Variants in GOLGA4 observed in about 807,000 individuals in gnomAD.
GOLGA4 encodes golgin subfamily A member 4.
Under a neutral mutation model 265.9 loss-of-function variants are expected in GOLGA4, and 169 were observed. That is an observed-to-expected ratio of 0.64 (90% confidence interval 0.56 to 0.72). GOLGA4 has a LOEUF of 0.72. GOLGA4 is among the 30% of genes least tolerant of loss of function. GOLGA4 has a pLI of 0.00. For missense variants in GOLGA4, 2,482 were observed against 2,483.4 expected, an observed-to-expected ratio of 1.00 and a Z score of 0.01; for synonymous variants, 923 against 855.8, an observed-to-expected ratio of 1.08 and a Z score of -1.37.
chr3:37,354,468 A>G (rs978777902), intron 21 of GOLGA4, among the ~76,000 whole-genome samples: 2 of 152,088 alleles, frequency 1.3e-5, no homozygotes, highest in Admixed American at 1.3e-4. Context: ...TATGGGTGAC[A>G]GTCTGACTTA....
chr3:37,366,799 T>C lies in GOLGA4; in HGVS notation c.*753T>C, dbSNP rs1476880012. ...CAGTTGAAATCTATTTTAAAATGTT[T>C]AAGAATGCATATTCTATTTGGATGA... On this transcript the variant is annotated 3_prime_UTR_variant, in exon 24 of 24. Coordinates refer to ENST00000361924, the MANE Select transcript of GOLGA4 (RefSeq NM_002078.5). The C allele has an allele frequency of 6.6e-6, 1 of 152,320 alleles. No individual in the cohort carries two copies. The highest frequency in any genetic ancestry group is 6.5e-5 in the Admixed American group (1 of 15,290). The allele number at this position is 152,320 out of a possible 1,614,324, so 9.4% of individuals were successfully genotyped here. A position where few individuals can be genotyped will look rare whatever the true frequency, so the allele number is the denominator to read the frequency against.
At chr3:37,292,958 ATAGAGGACACTT>A in intron 5 of GOLGA4, among the ~76,000 whole-genome samples, 1 of 152,368 alleles carries the variant, frequency 6.6e-6, no homozygotes, top group African/African-American at 2.4e-5. Context: ...GTTGGGCAGA[ATAGAGGACACTT>A]ATGAGTGTAC....
At chr3:37,261,004 C>CAAA (rs11348079) in intron 2 of GOLGA4, among the ~76,000 whole-genome samples, 1 of 134,484 alleles carries the variant, frequency 7.4e-6, no homozygotes, top group African/African-American at 2.7e-5. Flanking sequence ...CTGTCTCTAC[C>CAAA]AAAAAAAAAA....
Position 37,326,321 on chromosome 3 carries a change from G to A in GOLGA4, c.4435G>A (p.Glu1479Lys), listed in dbSNP as rs749627900. ...ATCAAAGGAAGCTTATGAAAAGGAT[G>A]AGCAGATAAATTTATTGAAGGAAGA... ...LKSKEAYEKD[E>K]QINLLKEELD... The change falls in exon 14 of 24, where the codon GAG becomes AAG. Residue 1479 changes from glutamate to lysine, a missense_variant. Coordinates refer to ENST00000361924, the MANE Select transcript of GOLGA4 (RefSeq NM_002078.5). The A allele has an allele frequency of 6.2e-7, 1 of 1,611,842 alleles. No homozygotes were observed. Among genetic ancestry groups the A allele is most frequent in the Non-Finnish European group, 8.5e-7 (1 of 1,179,032 alleles).
chr3:37,268,613 C>T (rs2096789904), intron 2 of GOLGA4, among the ~76,000 whole-genome samples: 1 of 151,312 alleles, frequency 6.6e-6, no homozygotes. Context: ...CTTTTGATAC[C>T]CAGGCTGGAG....
At chr3:37,292,237 G>T (rs1299009521) in intron 5 of GOLGA4, among the ~76,000 whole-genome samples, 2 of 152,172 alleles carry the variant, frequency 1.3e-5, no homozygotes, top group East Asian at 3.8e-4. Context: ...GTTGTAGGTT[G>T]TAGGAAATTA....
chr3:37,297,615 C>T (rs2096881888), intron 7 of GOLGA4, among the ~76,000 whole-genome samples: 1 of 152,186 alleles, frequency 6.6e-6, no homozygotes, highest in Non-Finnish European at 1.5e-5. Flanking sequence ...TACTACTAAG[C>T]TTCTTCAGAT....
chr3:37,313,072 G>A (rs901996226), intron 10 of GOLGA4, among the ~76,000 whole-genome samples: 2 of 152,078 alleles, frequency 1.3e-5, no homozygotes, highest in Non-Finnish European at 1.5e-5. Flanking sequence ...GTCTGGTGGC[G>A]GGCACCTGTA....
In GOLGA4 at chr3:37,278,813, CT is replaced by C. The variant is rs1267375433; in HGVS notation, c.163-3128del. Among the ~76,000 whole-genome samples the C allele has an allele frequency of 7.9e-3, 1,041 of 131,344 alleles. 5 individuals are homozygous for C. The highest frequency in any genetic ancestry group is 0.026 in the African/African-American group (867 of 33,472). 86.2% of individuals were successfully genotyped at this position (131,344 alleles called of 152,430 possible). A position where few individuals can be genotyped will look rare whatever the true frequency, so the allele number is the denominator to read the frequency against. On this transcript the variant is annotated intron_variant, in intron 2 of 23. Coordinates refer to ENST00000361924, the MANE Select transcript of GOLGA4 (RefSeq NM_002078.5). ...AAGATGCCTTCACTCAGTTTGTTTA[CT>C]TTTTTTTTTTTTTTTTGAGACAGAG...
In GOLGA4 at chr3:37,359,277, G is replaced by A. The variant is rs978301409; in HGVS notation, c.6664-1966G>A. 2.2e-4 allele frequency among the ~76,000 whole-genome samples: 34 copies of A among 151,984 alleles called. 2 individuals carry two copies. The highest frequency in any genetic ancestry group is 1.5e-5 in the Non-Finnish European group (1 of 68,010). On this transcript the variant is annotated intron_variant, in intron 22 of 23. Transcript: ENST00000361924. ...TCATCTAATTGTTAGTGTTTTTATT[G>A]AATAAAACTGCCCTAGAAGTACACC...
chr3:37,328,557 A>G lies in GOLGA4; in HGVS notation c.6061+20A>G, dbSNP rs773822259. 1.1e-5 allele frequency: 17 copies of G among 1,599,046 alleles called. No individual in the cohort carries two copies. Among genetic ancestry groups the G allele is most frequent in the Non-Finnish European group, 1.4e-5 (16 of 1,170,358 alleles). On this transcript the variant is annotated intron_variant, in intron 15 of 23. Transcript: ENST00000361924. ...CTATCAGTAAGTAAAATTAAGTTCC[A>G]TAAGGAACAATTATATCAGCAGAGG...
At chr3:37,342,159 A>G (rs2097037650) in intron 20 of GOLGA4, among the ~76,000 whole-genome samples, 1 of 152,142 alleles carries the variant, frequency 6.6e-6, no homozygotes, top group African/African-American at 2.4e-5. Context: ...CTTGGACAAC[A>G]TGGCAAAACC....
At position 37,319,094 on chromosome 3, in the gene GOLGA4, A is replaced by G; in HGVS notation, c.1445A>G (p.Gln482Arg). ...TCAGAAGAACAAATTGCTAAGCTAC[A>G]GAAGCTTCATGAAAAGGAGCTGGCC... ...KSSEEQIAKL[Q>R]KLHEKELARK... Residue 482 changes from glutamine (Q) to arginine (R), a missense_variant, in exon 12 of 24, where the codon CAG becomes CGG. This residue lies in a region of GOLGA4 where 1,536 missense variants were observed against 1,483.7 expected (regional missense o/e 1.04). Transcript: ENST00000361924. The G allele has an allele frequency of 6.2e-7, 1 of 1,608,820 alleles. No homozygotes were observed. The highest frequency in any genetic ancestry group is 1.3e-5 in the African/African-American group (1 of 74,784).
chr3:37,272,673 T>G (rs1335752568), intron 2 of GOLGA4, among the ~76,000 whole-genome samples: 1 of 152,230 alleles, frequency 6.6e-6, no homozygotes, highest in Non-Finnish European at 1.5e-5. Context: ...CCTTTTTCAC[T>G]TAAGAATAAG....
chr3:37,253,914 G>A (rs886705616), intron 2 of GOLGA4, among the ~76,000 whole-genome samples: 5 of 151,954 alleles, frequency 3.3e-5, no homozygotes, highest in African/African-American at 9.7e-5. Context: ...TATTTGGGAG[G>A]CTGAGGCAGG....
At chr3:37,310,963 A>T (rs2096921614) in intron 10 of GOLGA4, among the ~76,000 whole-genome samples, 1 of 152,228 alleles carries the variant, frequency 6.6e-6, no homozygotes, top group South Asian at 2.1e-4. Flanking sequence ...GGAATTTGAA[A>T]GATAAATTGT....
chr3:37,249,985 A>G (rs2096729501), intron 1 of GOLGA4: 1 of 152,068 alleles, frequency 6.6e-6, no homozygotes, highest in Non-Finnish European at 1.5e-5. Context: ...TTTTCACATC[A>G]CTCACTTATG....
At chr3:37,246,933 A>G (rs943241297) in intron 1 of GOLGA4, among the ~76,000 whole-genome samples, 2 of 152,174 alleles carry the variant, frequency 1.3e-5, no homozygotes, top group African/African-American at 4.8e-5. Flanking sequence ...AATAAAAACA[A>G]AAAAACCAGC....
chr3:37,298,082 T>C (rs549053291), intron 7 of GOLGA4, among the ~76,000 whole-genome samples: 1 of 151,498 alleles, frequency 6.6e-6, no homozygotes, highest in African/African-American at 2.4e-5. Flanking sequence ...TTCCTGGAAG[T>C]GTCCTTATAT....
Sources: allele counts gnomAD v4.1 joint callset (sites outside exome capture counted in the v4.1 genomes callset), GRCh38; gene constraint gnomAD v4.1.1; regional missense constraint gnomAD v4.1.1; transcripts MANE v1.5; gene names NCBI Gene and HGNC (gene_info 2026-07-23, HGNC 2026-07-21).